DNM3: variants seen among roughly 807,000 people sequenced by gnomAD.
DNM3 encodes the protein dynamin-3.
A neutral mutation model predicts 101.6 loss-of-function variants in DNM3; 47 were observed. That is an observed-to-expected ratio of 0.46 (90% CI 0.37 to 0.59). DNM3 has a LOEUF of 0.59. Among genes scored for constraint, DNM3 ranks in the 20% least tolerant of loss-of-function variants. The pLI is 0.00. For synonymous variants in DNM3, 385 were observed against 387.9 expected, an observed-to-expected ratio of 0.99 and a Z score of 0.09; for missense variants, 849 against 1,085.7, an observed-to-expected ratio of 0.78 and a Z score of 3.06.
At position 172,035,969 on chromosome 1, in the gene DNM3, T is replaced by A. The variant is rs557536951; in HGVS notation, c.850-2350T>A. Among the ~76,000 whole-genome samples the A allele has an allele frequency of 2.3e-3, 350 of 152,236 alleles. 3 individuals are homozygous for A. The highest frequency in any genetic ancestry group is 3.9e-3 in the Non-Finnish European group (267 of 67,998). The stretch of plus-strand genomic sequence containing the variant: ...ATAGTTTCTTCAGTCAATCTGGATA[T>A]GTTAATTCTCCTTACTTTTTTTTTC... On this transcript the variant is annotated intron_variant, in intron 6 of 20. Transcript: ENST00000627582.
intron 13 of DNM3, among the ~76,000 whole-genome samples, chr1:172,121,995 G>C (rs1413629337): frequency 6.6e-6 from 1 of 152,056 alleles, no homozygotes; most frequent in Non-Finnish European, 1.5e-5. Context: ...GTGCTGTTAG[G>C]TTATTTCACT....
rs1264565688 is a variant in DNM3 at position 172,323,003 on chromosome 1, A to G, written c.1882-326A>G. The stretch of plus-strand genomic sequence containing the variant: ...GTTCACTTATTACTGATTCAAACCA[A>G]TTCTTTCTGGCCACGTTCCCATACC... On this transcript the variant is annotated intron_variant, in intron 16 of 20. Coordinates refer to ENST00000627582, the MANE Select transcript of DNM3 (RefSeq NM_015569.5). Among the ~76,000 whole-genome samples the G allele has an allele frequency of 2.0e-5, 3 of 152,052 alleles. No individual in the cohort carries two copies. In the East Asian group the frequency reaches 5.8e-4, roughly 29 times the overall value.
chr1:172,276,025 A>G (rs2063271587), intron 15 of DNM3, among the ~76,000 whole-genome samples: 1 of 152,090 alleles, frequency 6.6e-6, no homozygotes, highest in Non-Finnish European at 1.5e-5. Context: ...GATTTTATGT[A>G]TTACATATAT....
At chr1:172,025,427 C>A (rs908831411) in intron 4 of DNM3, among the ~76,000 whole-genome samples, 47 of 152,246 alleles carry the variant, frequency 3.1e-4, no homozygotes, top group African/African-American at 1.1e-3. Flanking sequence ...AGCAGTGGAT[C>A]TCTTAGCACA....
chr1:171,904,578 C>T (rs2038654127), intron 1 of DNM3, among the ~76,000 whole-genome samples: 1 of 152,124 alleles, frequency 6.6e-6, no homozygotes, highest in Non-Finnish European at 1.5e-5. Context: ...TTAGGAAAGA[C>T]ATGAGGGTTT....
At chr1:172,058,657 GAC>G (rs1400725601) in intron 10 of DNM3, among the ~76,000 whole-genome samples, 1 of 152,126 alleles carries the variant, frequency 6.6e-6, no homozygotes, top group East Asian at 1.9e-4. Flanking sequence ...GGAGGACAAA[GAC>G]ACAACATACC....
chr1:172,311,881 C>T (rs1199368182), intron 16 of DNM3, among the ~76,000 whole-genome samples: 2 of 152,032 alleles, frequency 1.3e-5, no homozygotes, highest in African/African-American at 2.4e-5. Context: ...TAGTACATAC[C>T]GAAGGCAACA....
At chr1:171,915,400 T>C (rs952179957) in intron 1 of DNM3, among the ~76,000 whole-genome samples, 2 of 152,130 alleles carry the variant, frequency 1.3e-5, no homozygotes, top group Non-Finnish European at 1.5e-5. Flanking sequence ...GTTTATATGA[T>C]AGTTGGTGGA....
chr1:172,188,732 G>A (rs370937121), intron 14 of DNM3, among the ~76,000 whole-genome samples: 12 of 152,142 alleles, frequency 7.9e-5, no homozygotes, highest in East Asian at 5.8e-4. Context: ...GTAAGACTAC[G>A]TTTAGTTTTG....
chr1:172,173,412 T>C (rs1390353450), intron 14 of DNM3, among the ~76,000 whole-genome samples: 1 of 151,548 alleles, frequency 6.6e-6, no homozygotes, highest in East Asian at 1.9e-4. Context: ...GTTTTGGATA[T>C]ACTGAGATTT....
At chr1:172,210,753 A>G (rs574353646) in intron 14 of DNM3, among the ~76,000 whole-genome samples, 3 of 152,138 alleles carry the variant, frequency 2.0e-5, no homozygotes, top group Admixed American at 1.3e-4. Context: ...TTTGAGAGAC[A>G]GAAGAAAGCA....
intron 15 of DNM3, among the ~76,000 whole-genome samples, chr1:172,282,723 C>T (rs2063537137): frequency 6.6e-6 from 1 of 152,142 alleles, no homozygotes; most frequent in Admixed American, 6.5e-5. Flanking sequence ...TTTGTTAAAC[C>T]ACTGTGATGC....
chr1:171,896,683 T>TA (rs1425883904), intron 1 of DNM3, among the ~76,000 whole-genome samples: 2 of 152,120 alleles, frequency 1.3e-5, no homozygotes, highest in African/African-American at 4.8e-5. Flanking sequence ...TTCCAACACT[T>TA]ACATAGTTAT....
intron 14 of DNM3, among the ~76,000 whole-genome samples, chr1:172,144,057 G>A (rs2057740751): frequency 6.6e-6 from 1 of 151,834 alleles, no homozygotes; most frequent in African/African-American, 2.4e-5. Flanking sequence ...TTAAATCTTT[G>A]AATTATTATT....
intron 14 of DNM3, among the ~76,000 whole-genome samples, chr1:172,158,011 G>C (rs1410420361): frequency 6.6e-6 from 1 of 152,020 alleles, no homozygotes; most frequent in African/African-American, 2.4e-5. Context: ...AATCCTGCCT[G>C]CATGATAATA....
intron 16 of DNM3, chr1:172,310,179 C>A (rs543071120): frequency 6.6e-6 from 1 of 152,208 alleles, no homozygotes; most frequent in Admixed American, 6.5e-5. Context: ...CAGAGTACCA[C>A]TTTTACTTTT....
chr1:172,180,632 A>G (rs952020286), intron 14 of DNM3, among the ~76,000 whole-genome samples: 1 of 152,160 alleles, frequency 6.6e-6, no homozygotes, highest in African/African-American at 2.4e-5. Flanking sequence ...TATTGCAGGA[A>G]TAGCATATGA....
intron 12 of DNM3, among the ~76,000 whole-genome samples, chr1:172,085,975 T>C (rs1033572320): frequency 1.7e-4 from 26 of 152,178 alleles, no homozygotes; most frequent in African/African-American, 6.3e-4. Flanking sequence ...AGGAATTAAA[T>C]GCTTGGTTGC....
At chr1:171,957,966 C>T (rs560513603) in intron 2 of DNM3, among the ~76,000 whole-genome samples, 7 of 152,260 alleles carry the variant, frequency 4.6e-5, no homozygotes, top group East Asian at 3.9e-4. Context: ...CGCAGTCCAC[C>T]GGTACCAATT....
Sources: gnomAD v4.1 joint callset for allele counts (sites outside exome capture counted in the v4.1 genomes callset) on GRCh38, gnomAD v4.1.1 for gene constraint, MANE v1.5 for transcripts, NCBI Gene and HGNC (gene_info 2026-07-23, HGNC 2026-07-21) for gene names.